Variants in TSEN2 observed in about 807,000 individuals in gnomAD.
TSEN2 encodes the protein tRNA splicing endonuclease subunit 2, also known as tRNA-splicing endonuclease subunit Sen2.
A neutral mutation model predicts 59.2 loss-of-function variants in TSEN2; 54 were observed. That is an observed-to-expected ratio of 0.91 (90% CI 0.73 to 1.14). The LOEUF (loss-of-function observed/expected upper bound fraction) is 1.14, where lower values mean the gene tolerates loss of function less well. Ranked by LOEUF, TSEN2 falls within the 50% of genes most tolerant of loss-of-function variation. The pLI, the probability that TSEN2 is intolerant of heterozygous loss-of-function variation, is 0.00. For synonymous variants in TSEN2, 195 were observed against 198.2 expected, an observed-to-expected ratio of 0.98 and a Z score of 0.14; for missense variants, 636 against 576.2, an observed-to-expected ratio of 1.10 and a Z score of -1.06.
upstream of TSEN2, among the ~76,000 whole-genome samples, chr3:12,482,571 TC>T (rs1232813691): frequency 6.6e-6 from 1 of 152,104 alleles, no homozygotes; most frequent in Non-Finnish European, 1.5e-5. Context: ...TTTTTTAATT[TC>T]TTTTTTTATG....
chr3:12,532,615 C>G, intron 11 of TSEN2, 47 bp from the exon 12 acceptor site: 1 of 1,596,966 alleles, frequency 6.3e-7, no homozygotes, highest in Non-Finnish European at 8.6e-7. Context: ...TCAGAATGGT[C>G]TTACATTTCT....
intron 11 of TSEN2, among the ~76,000 whole-genome samples, chr3:12,532,339 C>T (rs760331804): frequency 1.6e-4 from 24 of 152,228 alleles, no homozygotes; most frequent in Non-Finnish European, 2.4e-4. Context: ...GGCCCCGTTA[C>T]AGCAATGCCA....
upstream of TSEN2, among the ~76,000 whole-genome samples, chr3:12,483,950 C>A (rs1447628509): frequency 6.6e-6 from 1 of 152,172 alleles, no homozygotes; most frequent in African/African-American, 2.4e-5. Flanking sequence ...AGCAGGTGGA[C>A]CTGCCGCCTA....
In TSEN2 at chr3:12,489,921, C is replaced by T. The variant is rs745620755; in HGVS notation, c.121C>T (p.Arg41Cys). 1.2e-5 allele frequency: 20 copies of T among 1,613,994 alleles called. No individual in the cohort carries two copies. Among genetic ancestry groups the T allele is most frequent in the South Asian group, 7.7e-5 (7 of 91,082 alleles). ...HGPLKEFKIF[R>C]AEMINNNVIV... ...TCCTCTGAAAGAATTCAAGATATTC[C>T]GTGCTGAAATGATTAACAACAATGT... is the stretch of plus-strand genomic sequence containing the variant. Residue 41 changes from arginine (R) to cysteine (C), a missense_variant, in exon 2 of 12, where the codon CGT becomes TGT. Transcript: ENST00000284995.
Position 12,528,925 on chromosome 3 carries a change from G to T in TSEN2, c.1136+1G>T, listed in dbSNP as rs2057284547. On this transcript the variant is annotated splice_donor_variant, in intron 9 of 11. Transcript: ENST00000284995. LOFTEE classifies it high-confidence loss of function. The stretch of plus-strand genomic sequence containing the variant: ...AAGGCCCTCCATTTTACCATGCAAG[G>T]TTCGGAGTGATTTTTAAATAAACTA... 6.2e-7 allele frequency: 1 copy of T among 1,613,806 alleles called. No individual in the cohort carries two copies. Among genetic ancestry groups the T allele is most frequent in the Admixed American group, 1.7e-5 (1 of 59,980 alleles).
intron 8 of TSEN2, among the ~76,000 whole-genome samples, chr3:12,522,377 C>T (rs1407283768): frequency 1.3e-5 from 2 of 152,124 alleles, no homozygotes; most frequent in East Asian, 3.8e-4. Flanking sequence ...ACAATTAATA[C>T]ATTAATTGTA....
At chr3:12,525,544 A>AT (rs34587346) in intron 8 of TSEN2, among the ~76,000 whole-genome samples, 21,502 of 151,734 alleles carry the variant, frequency 0.14, 1,989 homozygotes, top group African/African-American at 0.25. Flanking sequence ...TTCAGACCTT[A>AT]TTTTTACTTT....
upstream of TSEN2, among the ~76,000 whole-genome samples, chr3:12,481,923 G>GTATATATATATATATATA (rs10557886): frequency 1.3e-5 from 2 of 148,316 alleles, no homozygotes; most frequent in African/African-American, 4.9e-5. Flanking sequence ...GTGTGTCTGC[G>GTATATATATATATATATA]TATATATATA....
Position 12,531,550 on chromosome 3 carries a change from G to C in TSEN2, c.1249-20G>C. ...CTATTATTTTGTAGGATACAGAAGT[G>C]GTTTTTCATTTCTCAATAGGAACTT... On this transcript the variant is annotated intron_variant, in intron 10 of 11. Transcript: ENST00000284995. 6.5e-7 allele frequency: 1 copy of C among 1,527,968 alleles called. No homozygotes were observed. 94.7% of individuals were successfully genotyped at this position (1,527,968 alleles called of 1,614,324 possible).
In TSEN2 at chr3:12,503,630, A is replaced by G. The variant is rs777921610; in HGVS notation, c.677A>G (p.Asp226Gly). Residue 226 changes from aspartate (D) to glycine (G), a missense_variant, in exon 5 of 12, where the codon GAT becomes GGT. Physicochemically the swap from Asp to Gly is moderately conservative, Grantham distance 94. Transcript: ENST00000284995. ...CCCCATGTCTGTTGCTGCAAACAAG[A>G]TGCTCTCATCCTCCAGCGTGGCCTT... Reference protein sequence around the residue: ...PLPHVCCCKQDALILQRGLHH... With the variant: ...PLPHVCCCKQGALILQRGLHH... 3.1e-5 allele frequency: 49 copies of G among 1,596,090 alleles called. No individual in the cohort carries two copies. The highest frequency in any genetic ancestry group is 3.8e-5 in the Non-Finnish European group (45 of 1,170,516).
chr3:12,510,711 G>A (rs977947915), intron 6 of TSEN2, among the ~76,000 whole-genome samples: 6 of 152,162 alleles, frequency 3.9e-5, no homozygotes, highest in African/African-American at 1.4e-4. Flanking sequence ...CTGGTGATTA[G>A]AATGTCTAAG....
chr3:12,494,946 C>T (rs1328227243), intron 3 of TSEN2, among the ~76,000 whole-genome samples: 1 of 150,014 alleles, frequency 6.7e-6, no homozygotes, highest in Non-Finnish European at 1.5e-5. Flanking sequence ...GCCAACATGG[C>T]GAAATCCTGT....
intron 8 of TSEN2, among the ~76,000 whole-genome samples, chr3:12,525,762 AATG>A (rs2057026458): frequency 6.6e-6 from 1 of 151,196 alleles, no homozygotes; most frequent in South Asian, 2.1e-4. Flanking sequence ...AAAGGGTTTC[AATG>A]TGTTGGCCAG....
rs192272049 is a variant in TSEN2 at position 12,502,117 on chromosome 3, A to T, written c.309-1145A>T. Among the ~76,000 whole-genome samples, 116 of 152,312 alleles carry T rather than the reference A, an allele frequency of 7.6e-4. 1 individual carries two copies. The highest frequency in any genetic ancestry group is 2.6e-3 in the African/African-American group (109 of 41,578). On this transcript the variant is annotated intron_variant, in intron 4 of 11. Transcript: ENST00000284995. ...CATAAGCCAAATCATTTCTCTCCTT[A>T]TCCTGTGAAAGGGTTAGTAGGCACT...
chr3:12,535,676 T>C (rs370463394), downstream of TSEN2, among the ~76,000 whole-genome samples: 19 of 152,200 alleles, frequency 1.2e-4, no homozygotes, highest in East Asian at 1.7e-3. Flanking sequence ...GGATTACAAG[T>C]GCCCGCCACC....
intron 1 of TSEN2, among the ~76,000 whole-genome samples, 196 bp from the exon 2 acceptor site, chr3:12,489,588 C>T (rs920404510): frequency 5.9e-5 from 9 of 152,130 alleles, no homozygotes; most frequent in Non-Finnish European, 1.2e-4. Flanking sequence ...GGATTAATTG[C>T]AGTATTCTAG....
chr3:12,511,009 G>C (rs925953044), intron 6 of TSEN2: 1 of 152,146 alleles, frequency 6.6e-6, no homozygotes, highest in Non-Finnish European at 1.5e-5. Context: ...TGAGGATCAG[G>C]TTTTGTTTTA....
At chr3:12,508,494 G>C (rs2055075963) in intron 6 of TSEN2, among the ~76,000 whole-genome samples, 1 of 152,154 alleles carries the variant, frequency 6.6e-6, no homozygotes, top group Non-Finnish European at 1.5e-5. Flanking sequence ...ATGTTAGTCA[G>C]GAACACAGGC....
rs1185550661 is a variant in TSEN2 at position 12,506,660 on chromosome 3, C to T, written c.909+1429C>T. The T allele has an allele frequency of 5.1e-6, 5 of 983,810 alleles. No individual in the cohort carries two copies. In the African/African-American group the frequency reaches 8.8e-5, roughly 17 times the overall value. The allele number at this position is 983,810 out of a possible 1,614,324, so 60.9% of individuals were successfully genotyped here. ...CCCAGTGACCTGGAGTTCCTCTAAC[C>T]TGTGGTCACTTTATGCTCAGACCCT... On this transcript the variant is annotated intron_variant, in intron 6 of 11. Coordinates refer to ENST00000284995, the MANE Select transcript of TSEN2 (RefSeq NM_025265.4).
Sources: allele counts gnomAD v4.1 joint callset (sites outside exome capture counted in the v4.1 genomes callset), GRCh38; gene constraint gnomAD v4.1.1; transcripts MANE v1.5; gene names NCBI Gene and HGNC (gene_info 2026-07-23, HGNC 2026-07-21).